LYN: variants seen among roughly 807,000 people sequenced by gnomAD.
The protein encoded by LYN is tyrosine-protein kinase Lyn.
LYN carries 12 observed loss-of-function variants against 65.0 expected under a neutral mutation model. The observed-to-expected ratio is 0.18, with a 90% CI of 0.12 to 0.30. The LOEUF is 0.30. Ranked by LOEUF, LYN falls within the 10% of genes least tolerant of loss-of-function variation. The probability of loss-of-function intolerance (pLI) is 1.00; values close to 1 mark genes in which losing one functional copy is unlikely to be tolerated. For synonymous variants in LYN, 222 were observed against 221.2 expected (o/e 1.00, Z -0.03); for missense variants, 380 against 623.2 (o/e 0.61, Z 4.16).
chr8:56,000,225 T>C (rs1261980898), intron 12 of LYN, among the ~76,000 whole-genome samples: 1 of 152,180 alleles, frequency 6.6e-6, no homozygotes, highest in Admixed American at 6.5e-5. Context: ...TTTCCGATGC[T>C]TGGTTTTGTA....
chr8:55,887,898 T>C (rs1248088017), intron 1 of LYN, among the ~76,000 whole-genome samples: 2 of 152,044 alleles, frequency 1.3e-5, no homozygotes, highest in Non-Finnish European at 2.9e-5. Flanking sequence ...GCATAAGTCA[T>C]TGCGCCTGGC....
At chr8:55,916,478 G>T (rs1470889592) in intron 1 of LYN, among the ~76,000 whole-genome samples, 3 of 152,210 alleles carry the variant, frequency 2.0e-5, no homozygotes, top group African/African-American at 7.2e-5. Context: ...AAGGGTGCGT[G>T]CGAATATGGT....
intron 10 of LYN, among the ~76,000 whole-genome samples, chr8:55,991,317 C>G (rs1197391497): frequency 2.0e-5 from 3 of 152,220 alleles, no homozygotes; most frequent in Non-Finnish European, 4.4e-5. Context: ...CCTTACTTCT[C>G]TCTTTCTCTG....
chr8:55,977,976 G>T (rs747194684), intron 10 of LYN, among the ~76,000 whole-genome samples: 17 of 152,058 alleles, frequency 1.1e-4, no homozygotes, highest in African/African-American at 4.1e-4. Flanking sequence ...ACTCTGAAAC[G>T]GACAGGACTT....
At chr8:55,887,172 C>T (rs973771321) in intron 1 of LYN, among the ~76,000 whole-genome samples, 9 of 152,174 alleles carry the variant, frequency 5.9e-5, no homozygotes, top group Non-Finnish European at 8.8e-5. Context: ...CACGGCCAGG[C>T]GGCCAGGCGC....
intron 10 of LYN, among the ~76,000 whole-genome samples, chr8:55,978,122 G>T (rs2130545970): frequency 1.3e-5 from 2 of 152,324 alleles, no homozygotes; most frequent in Middle Eastern, 6.8e-3. Flanking sequence ...CTTTCCTGGT[G>T]CTGTCCCTGA....
intron 1 of LYN, among the ~76,000 whole-genome samples, chr8:55,902,489 A>G (rs1391154036): frequency 6.6e-6 from 1 of 151,744 alleles, no homozygotes; most frequent in African/African-American, 2.4e-5. Flanking sequence ...CACAACGCCC[A>G]GCTAATTTTT....
intron 1 of LYN, among the ~76,000 whole-genome samples, chr8:55,894,332 TG>T (rs1246658878): frequency 6.6e-6 from 1 of 151,966 alleles, no homozygotes; most frequent in Non-Finnish European, 1.5e-5. Context: ...CCTGAGTAGC[TG>T]GGACTAGAGG....
chr8:55,910,168 A>G (rs563763185), intron 1 of LYN, among the ~76,000 whole-genome samples: 1 of 151,980 alleles, frequency 6.6e-6, no homozygotes, highest in East Asian at 1.9e-4. Context: ...TCATTTGTCT[A>G]CTTTTGTTTT....
At chr8:55,908,314 G>T (rs1285818063) in intron 1 of LYN, among the ~76,000 whole-genome samples, 1 of 151,314 alleles carries the variant, frequency 6.6e-6, no homozygotes, top group Non-Finnish European at 1.5e-5. Context: ...GTGCAATCTC[G>T]ACTCACTGCA....
chr8:55,935,363 T>G (rs556701391), intron 1 of LYN, among the ~76,000 whole-genome samples: 1 of 152,150 alleles, frequency 6.6e-6, no homozygotes, highest in Non-Finnish European at 1.5e-5. Flanking sequence ...GAGATTTTAT[T>G]GAGGAAAAAT....
chr8:55,882,894 TAG>T (rs2130344032), intron 1 of LYN, among the ~76,000 whole-genome samples: 1 of 152,340 alleles, frequency 6.6e-6, no homozygotes, highest in African/African-American at 2.4e-5. Context: ...TTTGGACTTG[TAG>T]TGTGTGCTCA....
intron 1 of LYN, among the ~76,000 whole-genome samples, chr8:55,902,446 G>A (rs1585577628): frequency 6.6e-6 from 1 of 150,846 alleles, no homozygotes; most frequent in Admixed American, 6.6e-5. Flanking sequence ...TCCTGCCTCA[G>A]CCTCCTGAGT....
At chr8:55,953,670 A>C (rs56300145) in intron 7 of LYN, among the ~76,000 whole-genome samples, 162 bp from the exon 8 acceptor site, 17,302 of 152,044 alleles carry the variant, frequency 0.11, 1,315 homozygotes, top group Middle Eastern at 0.28. Flanking sequence ...AACAAAAAAA[A>C]CCCACAAATT....
intron 10 of LYN, among the ~76,000 whole-genome samples, chr8:55,974,235 A>G (rs1448441334): frequency 1.3e-5 from 2 of 152,120 alleles, no homozygotes; most frequent in African/African-American, 4.8e-5. Context: ...AGTTGCTGTT[A>G]TGGTCATTTT....
intron 1 of LYN, among the ~76,000 whole-genome samples, chr8:55,907,604 C>T (rs923042175): frequency 1.3e-5 from 2 of 152,060 alleles, no homozygotes; most frequent in Non-Finnish European, 2.9e-5. Context: ...TAGTGGCTCA[C>T]GCCTGTAATC....
chr8:55,909,405 G>T (rs1034865098), intron 1 of LYN, among the ~76,000 whole-genome samples: 5 of 152,132 alleles, frequency 3.3e-5, no homozygotes, highest in Non-Finnish European at 7.4e-5. Flanking sequence ...GGTTCCACCT[G>T]AGTGGGATTC....
intron 1 of LYN, among the ~76,000 whole-genome samples, chr8:55,905,409 CA>C (rs111765573): frequency 0.3 from 7,661 of 25,780 alleles, 682 homozygotes; most frequent in African/African-American, 0.51. Flanking sequence ...AACTCCGTCT[CA>C]AAAAAAAAGA....
Position 56,011,243 on chromosome 8 carries a change from G to A in LYN, c.*1133G>A, listed in dbSNP as rs892452978. On this transcript the variant is annotated 3_prime_UTR_variant, in exon 13 of 13. Transcript: ENST00000519728. ...AGCCACGGTGGCAGGAGGTTCAAGC[G>A]GTTCTGTTCACTAAATTTTTCTCCT... 5 of 226,480 alleles carry A rather than the reference G, an allele frequency of 2.2e-5. No individual in the cohort carries two copies. The highest frequency in any genetic ancestry group is 4.4e-5 in the Non-Finnish European group (5 of 113,992). 14.0% of individuals were successfully genotyped at this position (226,480 alleles called of 1,614,324 possible). A position where few individuals can be genotyped will look rare whatever the true frequency, so the allele number is the denominator to read the frequency against.
Sources: allele counts gnomAD v4.1 joint callset (sites outside exome capture counted in the v4.1 genomes callset), GRCh38; gene constraint gnomAD v4.1.1; transcripts MANE v1.5; gene names NCBI Gene and HGNC (gene_info 2026-07-23, HGNC 2026-07-21).